The following WDR27 variants were observed in gnomAD, a reference collection of about 807,000 sequenced individuals.
WDR27 encodes the protein WD repeat-containing protein 27.
In WDR27, 100 loss-of-function variants were observed where a neutral mutation model predicts 114.4. That is an observed-to-expected ratio of 0.87 (90% CI 0.74 to 1.03). The LOEUF (loss-of-function observed/expected upper bound fraction) is 1.03, where lower values mean the gene tolerates loss of function less well. WDR27 is among the 50% of genes least tolerant of loss of function. The probability of loss-of-function intolerance (pLI) is 0.00; values close to 1 mark genes in which losing one functional copy is unlikely to be tolerated. For synonymous variants in WDR27, 449 were observed against 423.1 expected (o/e 1.06, Z -0.75); for missense variants, 1,129 against 1,092.9 (o/e 1.03, Z -0.47).
At chr6:169,608,974 G>A (rs200439035) in intron 22 of WDR27, among the ~76,000 whole-genome samples, 1 of 152,204 alleles carries the variant, frequency 6.6e-6, no homozygotes, top group East Asian at 1.9e-4. Context: ...AGGGGCTAGA[G>A]GCCCCATTCA....
chr6:169,562,552 G>C (rs1461179895), intron 25 of WDR27, among the ~76,000 whole-genome samples: 1 of 152,114 alleles, frequency 6.6e-6, no homozygotes, highest in Admixed American at 6.5e-5. Context: ...GAACAGAAGG[G>C]GGGCCCAAGG....
chr6:169,640,586 C>T (rs1023448014), intron 17 of WDR27, among the ~76,000 whole-genome samples: 6 of 152,250 alleles, frequency 3.9e-5, no homozygotes, highest in African/African-American at 1.4e-4. Flanking sequence ...ATAGACACCA[C>T]CCATGCCGCT....
intron 21 of WDR27, among the ~76,000 whole-genome samples, chr6:169,631,915 G>A (rs1243006794): frequency 4.6e-5 from 7 of 152,224 alleles, no homozygotes; most frequent in Non-Finnish European, 7.4e-5. Context: ...GGCCAGGCAC[G>A]GTGGCTCACA....
chr6:169,451,928 T>C, the WDR27 span, among the ~76,000 whole-genome samples: 1 of 152,258 alleles, frequency 6.6e-6, no homozygotes, highest in Non-Finnish European at 1.5e-5. Context: ...TTTTGGCTGA[T>C]ATAATATTGT....
intron 23 of WDR27, among the ~76,000 whole-genome samples, chr6:169,600,109 G>A (rs570916459): frequency 3.3e-5 from 5 of 152,166 alleles, no homozygotes; most frequent in Admixed American, 6.5e-5. Flanking sequence ...CAGTTTGTTC[G>A]CACTGTGGTC....
chr6:169,636,086 C>T (rs2128221051), intron 19 of WDR27, among the ~76,000 whole-genome samples: 1 of 152,216 alleles, frequency 6.6e-6, no homozygotes, highest in East Asian at 1.9e-4. Context: ...GTATTTGTCC[C>T]ACATAACATC....
At chr6:169,629,675 C>G (rs1815800407) in intron 21 of WDR27, among the ~76,000 whole-genome samples, 1 of 151,886 alleles carries the variant, frequency 6.6e-6, no homozygotes, top group African/African-American at 2.4e-5. Context: ...GCTTGTAATC[C>G]CAGCACTTTG....
chr6:169,616,444 C>A (rs141810177), intron 21 of WDR27, among the ~76,000 whole-genome samples: 1 of 151,900 alleles, frequency 6.6e-6, no homozygotes, highest in Non-Finnish European at 1.5e-5. Context: ...GCCAAGACTG[C>A]GCCACTGCCC....
chr6:169,582,397 T>C (rs1013296941), intron 24 of WDR27, among the ~76,000 whole-genome samples: 3 of 152,236 alleles, frequency 2.0e-5, no homozygotes, highest in Non-Finnish European at 4.4e-5. Flanking sequence ...ATTAAGAAAG[T>C]TTCTGGAAAT....
chr6:169,660,875 G>A (rs878901403), intron 9 of WDR27, 109 bp from the exon 10 acceptor site: 6,909 of 865,580 alleles, frequency 8.0e-3, no homozygotes, highest in Middle Eastern at 0.026. Context: ...AGTGGGGAGT[G>A]TGGGCGTTGG....
intron 16 of WDR27, chr6:169,647,506 C>T: frequency 1.8e-6 from 1 of 552,980 alleles, no homozygotes; most frequent in Non-Finnish European, 3.2e-6. Context: ...AGGAGCTGGA[C>T]ACAGAACAGC....
In WDR27 at chr6:169,634,506, A is replaced by C. The variant is rs1817196656; in HGVS notation, c.2023T>G (p.Ser675Ala). ...GTGGAGAGCCTGCAAATCAGCTTGGACTTGCTCTTCTGTTTATATCTGGAA... is the reference window on the plus strand; with the variant it reads ...GTGGAGAGCCTGCAAATCAGCTTGGCCTTGCTCTTCTGTTTATATCTGGAA... The part of the protein sequence containing the change: ...EIKRYKQKSK[S>A]KLICRLSTTG... The change falls in exon 20 of 26, where the codon TCC (serine) becomes GCC (alanine). Residue 675 changes from serine to alanine, a missense_variant. Physicochemically the swap from Ser to Ala is moderately conservative, Grantham distance 99. Transcript: ENST00000448612. The C allele has an allele frequency of 6.8e-6, 11 of 1,612,050 alleles. No individual in the cohort carries two copies. The highest frequency in any genetic ancestry group is 9.3e-6 in the Non-Finnish European group (11 of 1,179,076).
At chr6:169,570,829 C>CA (rs568934155) in intron 25 of WDR27, among the ~76,000 whole-genome samples, 115 of 150,408 alleles carry the variant, frequency 7.6e-4, no homozygotes, top group Non-Finnish European at 1.5e-3. Flanking sequence ...AATTCCGTTT[C>CA]AAAAAAAAAG....
At chr6:169,475,823 A>AT (rs1211521196) in intron 25 of WDR27, among the ~76,000 whole-genome samples, 3 of 152,040 alleles carry the variant, frequency 2.0e-5, no homozygotes, top group Admixed American at 1.3e-4. Context: ...CTTTGAAAGC[A>AT]TTTTTTTAAT....
intron 22 of WDR27, among the ~76,000 whole-genome samples, chr6:169,611,018 G>T (rs762648776): frequency 9.2e-5 from 14 of 152,030 alleles, no homozygotes; most frequent in Non-Finnish European, 1.6e-4. Flanking sequence ...GTAACCAAAA[G>T]CCACTTGTAC....
At chr6:169,664,629 T>TG in intron 7 of WDR27, 2 of 1,095,978 alleles carry the variant, frequency 1.8e-6, no homozygotes, top group Non-Finnish European at 2.2e-6. Flanking sequence ...ACGTCCCACA[T>TG]GCCCTGGGTG....
At chr6:169,652,054 C>A in intron 13 of WDR27, 46 bp from the exon 14 acceptor site, 4 of 1,560,018 alleles carry the variant, frequency 2.6e-6, no homozygotes, top group Non-Finnish European at 3.5e-6. Flanking sequence ...TTAAAATTAG[C>A]ATCTCATGAT....
At chr6:169,599,345 A>G (rs1807465877) in intron 23 of WDR27, among the ~76,000 whole-genome samples, 1 of 152,242 alleles carries the variant, frequency 6.6e-6, no homozygotes, top group African/African-American at 2.4e-5. Context: ...AGTAACATCT[A>G]TAATTTAGCT....
At chr6:169,657,527 A>T (rs1315102523) in intron 13 of WDR27, among the ~76,000 whole-genome samples, 1 of 152,204 alleles carries the variant, frequency 6.6e-6, no homozygotes, top group Non-Finnish European at 1.5e-5. Flanking sequence ...CAGAAGGTGA[A>T]AGGCGGCTGC....
Sources: gnomAD v4.1 joint callset for allele counts (sites outside exome capture counted in the v4.1 genomes callset) on GRCh38, gnomAD v4.1.1 for gene constraint, MANE v1.5 for transcripts, NCBI Gene and HGNC (gene_info 2026-07-23, HGNC 2026-07-21) for gene names.